The following ARVCF variants were observed in gnomAD, a reference collection of about 807,000 sequenced individuals.
The protein encoded by ARVCF is ARVCF delta catenin family member, also known as splicing regulator ARVCF.
Under a neutral mutation model 90.9 loss-of-function variants are expected in ARVCF, and 66 were observed. That is an observed-to-expected ratio of 0.73 (90% CI 0.60 to 0.89). The LOEUF is 0.89. Among genes scored for constraint, ARVCF ranks in the 40% least tolerant of loss-of-function variants. ARVCF has a pLI of 0.00. For synonymous variants in ARVCF, 653 were observed against 603.4 expected, an observed-to-expected ratio of 1.08 and a Z score of -1.21; for missense variants, 1,469 against 1,382.3, an observed-to-expected ratio of 1.06 and a Z score of -1.00.
intron 18 of ARVCF, 26 bp from the exon 19 acceptor site, chr22:19,971,361 G>A (rs1257348692): frequency 5.8e-6 from 9 of 1,545,248 alleles, no homozygotes; most frequent in South Asian, 1.2e-5. Context: ...GGGCATTAGA[G>A]GCACAATAGA....
At chr22:19,984,389 C>T (rs114472953) in intron 3 of ARVCF, among the ~76,000 whole-genome samples, 1,785 of 152,216 alleles carry the variant, frequency 0.012, 39 homozygotes, top group African/African-American at 0.041. Context: ...GGCAACCCTG[C>T]GGCACCACCC....
In ARVCF at chr22:19,984,089, G is replaced by A. The variant is rs185972136; in HGVS notation, c.211-1998C>T. On this transcript the variant is annotated intron_variant, in intron 3 of 19. Transcript: ENST00000263207. ...GGCACTGAGGGGCTGCAGTTCTGGCGACAGAGTGAGGAGGGTATAAAGCAA... is the reference window on the plus strand; with the variant it reads ...GGCACTGAGGGGCTGCAGTTCTGGCAACAGAGTGAGGAGGGTATAAAGCAA... 3.0e-4 allele frequency among the ~76,000 whole-genome samples: 46 copies of A among 152,300 alleles called. 1 individual carries two copies. The highest frequency in any genetic ancestry group is 1.9e-3 in the Admixed American group (29 of 15,310).
chr22:19,968,810 C>A, downstream of ARVCF: 2 of 1,418,594 alleles, frequency 1.4e-6, no homozygotes, highest in Non-Finnish European at 1.9e-6. Flanking sequence ...CTCCTGCTGA[C>A]CTTCTGCGGC....
At chr22:20,001,801 AAAAG>A (rs1944455408) in intron 2 of ARVCF, among the ~76,000 whole-genome samples, 1 of 152,180 alleles carries the variant, frequency 6.6e-6, no homozygotes, top group Non-Finnish European at 1.5e-5. Context: ...TCAAAAAAAG[AAAAG>A]AAAGAAAGAA....
chr22:19,976,849 T>A, intron 9 of ARVCF, 126 bp from the exon 10 acceptor site: 1 of 1,124,704 alleles, frequency 8.9e-7, no homozygotes, highest in Non-Finnish European at 1.3e-6. Flanking sequence ...AGGCAGCATG[T>A]GGAACCTCAT....
chr22:20,005,354 C>T (rs1311878619), intron 2 of ARVCF, among the ~76,000 whole-genome samples: 1 of 150,146 alleles, frequency 6.7e-6, no homozygotes, highest in Non-Finnish European at 1.5e-5. Context: ...CACCTTACAC[C>T]TATTAGGATG....
At chr22:19,968,069 T>C (rs1942519149), downstream of ARVCF, among the ~76,000 whole-genome samples, 1 of 152,110 alleles carries the variant, frequency 6.6e-6, no homozygotes, top group Non-Finnish European at 1.5e-5. Context: ...GGCTTGTTGA[T>C]GGGAGGTCTG....
chr22:19,970,232 C>T lies in ARVCF; in HGVS notation c.*524G>A. ...TTGCTGCTTCCAAAGCTTCCTTGCC[C>T]AGGGCTGGGCCTTGTGGGGCACCCC... On this transcript the variant is annotated 3_prime_UTR_variant, in exon 20 of 20. Coordinates refer to ENST00000263207, the MANE Select transcript of ARVCF (RefSeq NM_001670.3). 1.0e-6 allele frequency: 1 copy of T among 989,772 alleles called. No homozygotes were observed. The highest frequency in any genetic ancestry group is 1.7e-5 in the African/African-American group (1 of 57,410). 61.3% of individuals were successfully genotyped at this position (989,772 alleles called of 1,614,324 possible).
intron 3 of ARVCF, chr22:19,986,600 AG>A: frequency 6.5e-6 from 1 of 154,700 alleles, no homozygotes; most frequent in Non-Finnish European, 1.4e-5. Context: ...GAGCCGGCGT[AG>A]GGGGTGTGGA....
rs751278797 is a variant in ARVCF at position 19,971,877 on chromosome 22, A to T, written c.2781+9T>A. Reference sequence around the variant, plus strand: ...CCGGGGACCTGCCCACAGCCACATGACCACTTACTTTCAAGGGTTCCTTCT... The same window carrying T: ...CCGGGGACCTGCCCACAGCCACATGTCCACTTACTTTCAAGGGTTCCTTCT... On this transcript the variant is annotated intron_variant, in intron 18 of 19. Coordinates refer to ENST00000263207, the MANE Select transcript of ARVCF (RefSeq NM_001670.3). The T allele has an allele frequency of 1.2e-6, 2 of 1,613,062 alleles. No homozygotes were observed. The highest frequency in any genetic ancestry group is 2.7e-5 in the African/African-American group (2 of 74,908).
At chr22:20,011,325 C>CA (rs1319611791) in intron 1 of ARVCF, among the ~76,000 whole-genome samples, 1 of 152,184 alleles carries the variant, frequency 6.6e-6, no homozygotes, top group Non-Finnish European at 1.5e-5. Flanking sequence ...ACACTGCAGA[C>CA]AGACAGGGAA....
At position 19,970,071 on chromosome 22, in the gene ARVCF, G is replaced by A; in HGVS notation, c.*685C>T. ...ACTGCCGAAGGTCAGTCCCGGAGGT[G>A]CTGCCCAGGCTCCAGGCAGATGCGG... On this transcript the variant is annotated 3_prime_UTR_variant, in exon 20 of 20. Coordinates refer to ENST00000263207, the MANE Select transcript of ARVCF (RefSeq NM_001670.3). The A allele has an allele frequency of 5.1e-6, 5 of 985,556 alleles. No homozygotes were observed. Among genetic ancestry groups the A allele is most frequent in the Non-Finnish European group, 3.6e-6 (3 of 829,916 alleles). The allele number at this position is 985,556 out of a possible 1,614,324, so 61.1% of individuals were successfully genotyped here.
At chr22:19,984,842 T>C (rs73880048) in intron 3 of ARVCF, among the ~76,000 whole-genome samples, 7,459 of 152,308 alleles carry the variant, frequency 0.049, 213 homozygotes, top group South Asian at 0.085. Flanking sequence ...CTGCCCAGCA[T>C]CCACTCTGGG....
chr22:19,991,076 C>T (rs536639694), intron 2 of ARVCF, among the ~76,000 whole-genome samples: 7 of 152,386 alleles, frequency 4.6e-5, no homozygotes, highest in East Asian at 1.9e-4. Context: ...AAACATGGGC[C>T]GTGGGCGGCT....
chr22:20,001,266 T>C (rs1224871722), intron 2 of ARVCF, among the ~76,000 whole-genome samples: 1 of 150,918 alleles, frequency 6.6e-6, no homozygotes, highest in Admixed American at 6.6e-5. Context: ...TGATCCCACA[T>C]GAGGTTCCTC....
chr22:19,986,494 C>A (rs1943773370), intron 3 of ARVCF, among the ~76,000 whole-genome samples: 1 of 152,182 alleles, frequency 6.6e-6, no homozygotes, highest in Non-Finnish European at 1.5e-5. Context: ...CATTAGTGGG[C>A]AGGGCCTGTC....
downstream of ARVCF, chr22:19,969,129 C>T (rs772365005): frequency 1.9e-4 from 40 of 205,266 alleles, no homozygotes; most frequent in African/African-American, 8.0e-4. Flanking sequence ...ACGCTAAGGG[C>T]GGGGCCCCTA....
chr22:20,003,090 A>G (rs1288703186), intron 2 of ARVCF, among the ~76,000 whole-genome samples: 1 of 152,260 alleles, frequency 6.6e-6, no homozygotes, highest in East Asian at 1.9e-4. Flanking sequence ...ACAGACTACC[A>G]TAAAGAATTA....
chr22:19,990,552 A>G, intron 3 of ARVCF, 33 bp downstream of exon 3: 1 of 1,576,592 alleles, frequency 6.3e-7, no homozygotes, highest in Non-Finnish European at 8.7e-7. Context: ...CCACTTGGCA[A>G]TTTTCACCCT....
Sources: gnomAD v4.1 joint callset for allele counts (sites outside exome capture counted in the v4.1 genomes callset) on GRCh38, gnomAD v4.1.1 for gene constraint, MANE v1.5 for transcripts, NCBI Gene and HGNC (gene_info 2026-07-23, HGNC 2026-07-21) for gene names.